The following ZC3H13 variants were observed in gnomAD, a reference collection of about 807,000 sequenced individuals.
ZC3H13 encodes the protein zinc finger CCCH domain-containing protein 13.
In ZC3H13, 64 loss-of-function variants were observed where a neutral mutation model predicts 204.1. The observed-to-expected ratio is 0.31, with a 90% CI of 0.26 to 0.39. The LOEUF (loss-of-function observed/expected upper bound fraction) is 0.39, where lower values mean the gene tolerates loss of function less well. Among genes scored for constraint, ZC3H13 ranks in the 10% least tolerant of loss-of-function variants. ZC3H13 has a pLI of 1.00. For synonymous variants in ZC3H13, 667 were observed against 693.7 expected (o/e 0.96, Z 0.60); for missense variants, 1,833 against 2,082.7 (o/e 0.88, Z 2.33).
intron 4 of ZC3H13, among the ~76,000 whole-genome samples, chr13:46,037,317 T>C (rs914459033): frequency 1.3e-5 from 2 of 152,200 alleles, no homozygotes; most frequent in Non-Finnish European, 1.5e-5. Context: ...TAAGCAATAC[T>C]CATAGGGCAC....
intron 8 of ZC3H13, among the ~76,000 whole-genome samples, chr13:45,998,250 TCA>T (rs1197913540): frequency 1.3e-5 from 2 of 152,172 alleles, no homozygotes; most frequent in Admixed American, 1.3e-4. Flanking sequence ...AAAGCAAATA[TCA>T]CAGTTAAGTG....
At chr13:46,050,079 C>G (rs1429011914) in intron 1 of ZC3H13, among the ~76,000 whole-genome samples, 2 of 151,940 alleles carry the variant, frequency 1.3e-5, no homozygotes, top group Non-Finnish European at 2.9e-5. Flanking sequence ...ATTTGCAGAG[C>G]AAATGAATAT....
intron 10 of ZC3H13, 89 bp from the exon 11 acceptor site, chr13:45,980,093 T>A: frequency 9.3e-7 from 1 of 1,074,962 alleles, no homozygotes; most frequent in Non-Finnish European, 1.3e-6. Flanking sequence ...TAAACATCAC[T>A]AATATATATA....
chr13:46,027,293 T>C (rs1454252275), intron 4 of ZC3H13, among the ~76,000 whole-genome samples: 1 of 152,064 alleles, frequency 6.6e-6, no homozygotes, highest in Non-Finnish European at 1.5e-5. Flanking sequence ...TTTGTAGAGA[T>C]GGGAGTTTTG....
At chr13:46,006,839 C>T (rs1392716523) in intron 7 of ZC3H13, among the ~76,000 whole-genome samples, 1 of 149,840 alleles carries the variant, frequency 6.7e-6, no homozygotes, top group African/African-American at 2.5e-5. Context: ...TCACTCATAG[C>T]GTTAACCATG....
chr13:46,004,621 A>C (rs1483820379), intron 7 of ZC3H13, among the ~76,000 whole-genome samples: 1 of 152,210 alleles, frequency 6.6e-6, no homozygotes, highest in African/African-American at 2.4e-5. Context: ...AGATGCTCCA[A>C]AACTTTCTAA....
At position 45,955,070 on chromosome 13, in the gene ZC3H13, T is replaced by C. The variant is rs1229168234; in HGVS notation, c.*2057A>G. On this transcript the variant is annotated 3_prime_UTR_variant, in exon 19 of 19. Coordinates refer to ENST00000679008, the MANE Select transcript of ZC3H13 (RefSeq NM_001330564.2). Reference sequence around the variant, plus strand: ...CTTATTACCAGCAGCTGGAATCCAGTTGTGCAATTATGGCAACTGGACAGA... The same window carrying C: ...CTTATTACCAGCAGCTGGAATCCAGCTGTGCAATTATGGCAACTGGACAGA... 3 of 152,188 alleles carry C rather than the reference T, an allele frequency of 2.0e-5. No homozygotes were observed. The highest frequency in any genetic ancestry group is 4.4e-5 in the Non-Finnish European group (3 of 68,010). 9.4% of individuals were successfully genotyped at this position (152,188 alleles called of 1,614,324 possible).
intron 4 of ZC3H13, among the ~76,000 whole-genome samples, chr13:46,036,214 CTG>C (rs2043202078): frequency 6.6e-6 from 1 of 151,040 alleles, no homozygotes; most frequent in South Asian, 2.1e-4. Flanking sequence ...GAGGAGGCAA[CTG>C]TGAAACAAAA....
intron 5 of ZC3H13, among the ~76,000 whole-genome samples, chr13:46,018,821 T>C (rs1049298725): frequency 1.3e-5 from 2 of 152,096 alleles, no homozygotes; most frequent in Non-Finnish European, 2.9e-5. Flanking sequence ...ATAAGAAGTA[T>C]CAAATACATT....
At position 45,969,360 on chromosome 13, in the gene ZC3H13, T is replaced by C. The variant is rs1593471735; in HGVS notation, c.3184A>G (p.Thr1062Ala). 1.9e-6 allele frequency: 3 copies of C among 1,614,040 alleles called. No homozygotes were observed. The East Asian group carries it at 6.7e-5, about 36-fold the overall frequency. ...TCATCAGACCAGTCACTGAATGCTG[T>C]ATCTTCTTTTTTCTGGGAGTCCTCT... ...ILEDSQKKED[T>A]AFSDWSDEDV... Residue 1062 changes from threonine (T) to alanine (A), a missense_variant, in exon 14 of 19, where the codon ACA becomes GCA. Transcript: ENST00000679008.
intron 4 of ZC3H13, among the ~76,000 whole-genome samples, chr13:46,034,294 T>C (rs1369535899): frequency 6.6e-6 from 1 of 152,206 alleles, no homozygotes; most frequent in Non-Finnish European, 1.5e-5. Flanking sequence ...CCTAGATATT[T>C]ACCAAAAGAA....
In ZC3H13 at chr13:45,989,026, C is replaced by A; in HGVS notation, c.1016G>T (p.Gly339Val). The A allele has an allele frequency of 1.9e-6, 3 of 1,614,032 alleles. No homozygotes were observed. The highest frequency in any genetic ancestry group is 1.1e-5 in the South Asian group (1 of 91,072). ...AGGAGAATGTCTTTGAATAGATGAT[C>A]CTGATTGTGAGGAAGATGAGTGATG... ...SRHHSSSSQSGSSIQRHSPSP... is the reference protein window; with the variant it reads ...SRHHSSSSQSVSSIQRHSPSP... The change falls in exon 9 of 19, where the codon GGA becomes GTA. Residue 339 changes from glycine (G) to valine (V), a missense_variant. By Grantham distance (109) the Gly-to-Val change is moderately radical. Around this residue, in one of 5 missense-constraint regions of ZC3H13, gnomAD observed 1,574 missense variants for 1,757.2 expected, o/e 0.90. Coordinates refer to ENST00000679008, the MANE Select transcript of ZC3H13 (RefSeq NM_001330564.2).
At chr13:45,960,586 C>CA (rs1275460087) in intron 17 of ZC3H13, among the ~76,000 whole-genome samples, 5 of 151,700 alleles carry the variant, frequency 3.3e-5, no homozygotes, top group Non-Finnish European at 2.9e-5. Flanking sequence ...ACTGAACATA[C>CA]AAAAAAACCC....
intron 8 of ZC3H13, among the ~76,000 whole-genome samples, chr13:45,996,188 A>C (rs74947661): frequency 4.0e-4 from 61 of 152,334 alleles, no homozygotes; most frequent in African/African-American, 1.4e-3. Context: ...TAAAGAATAT[A>C]TACTAATATA....
rs530457219 is a variant in ZC3H13 at position 45,988,936 on chromosome 13, C to T, written c.1106G>A (p.Arg369His). ...ATGTGAAGGATAAGGAGAGGCAGAG[C>T]GTCGTAAAGGTGGAGTTAGTGTCCG... ...YQRTLTPPLR[R>H]SASPYPSHSL... Residue 369 changes from arginine to histidine, a missense_variant, in exon 9 of 19, where the codon CGC becomes CAC. Coordinates refer to ENST00000679008, the MANE Select transcript of ZC3H13 (RefSeq NM_001330564.2). 95 of 1,613,964 alleles carry T rather than the reference C, an allele frequency of 5.9e-5. No individual in the cohort carries two copies. In the African/African-American group the frequency reaches 1.2e-3, roughly 20 times the overall value.
chr13:45,994,158 C>T (rs1409723632), intron 8 of ZC3H13, among the ~76,000 whole-genome samples: 1 of 152,210 alleles, frequency 6.6e-6, no homozygotes, highest in East Asian at 1.9e-4. Context: ...ATTTTCTCTT[C>T]CTTATGATTT....
intron 7 of ZC3H13, among the ~76,000 whole-genome samples, chr13:46,008,766 G>C (rs2041337777): frequency 1.3e-5 from 2 of 152,104 alleles, no homozygotes; most frequent in African/African-American, 2.4e-5. Flanking sequence ...ATCACTCTCT[G>C]TTCATTCAAC....
intron 8 of ZC3H13, among the ~76,000 whole-genome samples, chr13:45,998,742 C>A (rs1412464029): frequency 6.6e-6 from 1 of 152,010 alleles, no homozygotes; most frequent in Non-Finnish European, 1.5e-5. Flanking sequence ...GAGTTTTAAC[C>A]GTTTTGTGGG....
chr13:46,045,513 A>C lies in ZC3H13; in HGVS notation c.-6T>G, dbSNP rs2043887863. The C allele has an allele frequency of 6.2e-7, 1 of 1,608,190 alleles. No homozygotes were observed. Among genetic ancestry groups the C allele is most frequent in the Admixed American group, 1.7e-5 (1 of 59,970 alleles). ...TTCCTTCTAATTTTTGACATTTTGT[A>C]CTACTTCAACCAAAAAAGAAAGAGG... On this transcript the variant is annotated 5_prime_UTR_variant, in exon 2 of 19. Coordinates refer to ENST00000679008, the MANE Select transcript of ZC3H13 (RefSeq NM_001330564.2).
Sources: gnomAD v4.1 joint callset for allele counts (sites outside exome capture counted in the v4.1 genomes callset) on GRCh38, gnomAD v4.1.1 for gene constraint, gnomAD v4.1.1 regional missense constraint, MANE v1.5 for transcripts, NCBI Gene and HGNC (gene_info 2026-07-23, HGNC 2026-07-21) for gene names.